Variants in CREBBP observed in about 807,000 individuals in gnomAD.
CREBBP encodes the protein CREB binding lysine acetyltransferase, also known as CREB-binding protein.
A neutral mutation model predicts 265.0 loss-of-function variants in CREBBP; 19 were observed. That is an observed-to-expected ratio of 0.07 (90% confidence interval 0.05 to 0.11). The LOEUF (loss-of-function observed/expected upper bound fraction) is 0.11. Ranked by LOEUF, CREBBP falls within the 10% of genes least tolerant of loss-of-function variation. CREBBP has a pLI of 1.00. For missense variants in CREBBP, 2,525 were observed against 3,219.0 expected, an observed-to-expected ratio of 0.78 and a Z score of 5.22; for synonymous variants, 1,457 against 1,223.7, an observed-to-expected ratio of 1.19 and a Z score of -3.98.
intron 20 of CREBBP, among the ~76,000 whole-genome samples, chr16:3,750,368 G>T (rs913609206): frequency 2.6e-5 from 4 of 152,188 alleles, no homozygotes; most frequent in Non-Finnish European, 5.9e-5. Context: ...TAGAGCGTAA[G>T]TGCCTACACT....
rs1275745051 is a variant in CREBBP at position 3,810,672 on chromosome 16, G to A, written c.906C>T (p.Ser302=). ...GGAAGGTGGGCAAACTGTTGACCAT[G>A]CTCTGTTTGCTGGCTAACTGGGGGT... ...GVNPQLASKQ[S]MVNSLPTFPT... The change falls in exon 3 of 31, where the codon AGC becomes AGT. Residue 302 remains serine (S), a synonymous_variant. Coordinates refer to ENST00000262367, the MANE Select transcript of CREBBP (RefSeq NM_004380.3). The A allele has an allele frequency of 5.0e-6, 8 of 1,613,924 alleles. No homozygotes were observed. Among genetic ancestry groups the A allele is most frequent in the Non-Finnish European group, 5.9e-6 (7 of 1,179,996 alleles).
At chr16:3,870,277 G>T (rs748506750) in intron 1 of CREBBP, among the ~76,000 whole-genome samples, 1 of 152,174 alleles carries the variant, frequency 6.6e-6, no homozygotes, top group East Asian at 1.9e-4. Context: ...TTCCTTTCAA[G>T]ATCTGTGTAG....
intron 5 of CREBBP, among the ~76,000 whole-genome samples, chr16:3,785,456 C>A (rs1204117123): frequency 6.6e-6 from 1 of 152,236 alleles, no homozygotes; most frequent in African/African-American, 2.4e-5. Context: ...CAGGGAAAAT[C>A]AGGCTCATGT....
intron 15 of CREBBP, 85 bp downstream of exon 15, chr16:3,769,089 C>T: frequency 6.8e-7 from 1 of 1,470,984 alleles, no homozygotes; most frequent in Non-Finnish European, 9.5e-7. Flanking sequence ...TCAGGGATAC[C>T]CATGGCAGGC....
chr16:3,787,409 A>G (rs1335675287), intron 5 of CREBBP, among the ~76,000 whole-genome samples: 2 of 152,142 alleles, frequency 1.3e-5, no homozygotes, highest in Non-Finnish European at 2.9e-5. Flanking sequence ...TTGGTGCTTA[A>G]GTCAGGGTCA....
In CREBBP at chr16:3,774,607, G is replaced by T; in HGVS notation, c.2245C>A (p.His749Asn). 2 of 1,614,192 alleles carry T rather than the reference G, an allele frequency of 1.2e-6. No individual in the cohort carries two copies. The highest frequency in any genetic ancestry group is 2.2e-5 in the South Asian group (2 of 91,086). The change falls in exon 12 of 31, where the codon CAC (histidine) becomes AAC (asparagine). Residue 749 changes from histidine (H) to asparagine (N), a missense_variant. His to Asn is a moderately conservative substitution (Grantham distance 68, BLOSUM62 1). This residue lies in a region of CREBBP where 548 missense variants were observed against 533.0 expected (regional missense o/e 1.03). Transcript: ENST00000262367. Reference protein sequence around the residue: ...MGPRAASPMNHSVQMNSMGSV... With the variant: ...MGPRAASPMNNSVQMNSMGSV... ...CCCATGCTGTTCATCTGGACAGAGT[G>T]GTTCATTGGGGAGGCTGCACGAGGT...
intron 1 of CREBBP, among the ~76,000 whole-genome samples, chr16:3,858,657 T>C (rs2141533923): frequency 6.6e-6 from 1 of 152,354 alleles, no homozygotes; most frequent in Non-Finnish European, 1.5e-5. Context: ...GCTGCTTGTC[T>C]AGTCAAAGAT....
chr16:3,791,809 G>C (rs1025038004), intron 5 of CREBBP, among the ~76,000 whole-genome samples, 172 bp downstream of exon 5: 1 of 152,144 alleles, frequency 6.6e-6, no homozygotes, highest in Admixed American at 6.5e-5. Context: ...TCCTGACACG[G>C]AGAGCCCGCC....
rs141651423 is a variant in CREBBP, at chr16:3,770,600, C to T, written c.2850G>A (p.Thr950=). The change falls in exon 14 of 31, where the codon ACG becomes ACA. Residue 950 remains threonine (T), a synonymous_variant. Transcript: ENST00000262367. ...ATPQSSQQQP[T]PVHAQPPGTP... ...TGCCAGGAGGCTGGGCGTGCACAGG[C>T]GTCGGCTGTTGCTGCGATGACTGAG... 9.5e-5 allele frequency: 154 copies of T among 1,613,598 alleles called. No individual in the cohort carries two copies. The African/African-American group carries it at 1.7e-3, about 18-fold the overall frequency.
chr16:3,871,191 TCTCTCA>T (rs774558068), intron 1 of CREBBP, among the ~76,000 whole-genome samples: 189 of 60,898 alleles, frequency 3.1e-3, no homozygotes, highest in Middle Eastern at 8.9e-3. Flanking sequence ...TCTCTCTCTC[TCTCTCA>T]CTCACACACA....
chr16:3,848,673 G>A (rs933531313), intron 2 of CREBBP, among the ~76,000 whole-genome samples: 4 of 151,944 alleles, frequency 2.6e-5, no homozygotes, highest in African/African-American at 4.8e-5. Context: ...CTATTATGTC[G>A]ACTTCATATG....
intron 1 of CREBBP, among the ~76,000 whole-genome samples, chr16:3,852,899 G>A (rs901221673): frequency 4.6e-5 from 7 of 151,238 alleles, no homozygotes; most frequent in African/African-American, 1.7e-4. Flanking sequence ...CAACGGCCAG[G>A]CTATTCATGT....
At chr16:3,782,986 C>A in intron 5 of CREBBP, 60 bp from the exon 6 acceptor site, 1 of 1,606,970 alleles carries the variant, frequency 6.2e-7, no homozygotes, top group Non-Finnish European at 8.5e-7. Flanking sequence ...GAGAAGCCCA[C>A]GAATGATTTA....
In CREBBP at chr16:3,777,860, G is replaced by C. The variant is rs149069810; in HGVS notation, c.2113+151C>G. 1.1e-4 allele frequency: 126 copies of C among 1,104,374 alleles called. No individual in the cohort carries two copies. In the Middle Eastern group the frequency reaches 1.3e-3, roughly 11 times the overall value. The allele number at this position is 1,104,374 out of a possible 1,614,324, so 68.4% of individuals were successfully genotyped here. On this transcript the variant is annotated intron_variant, in intron 10 of 30. Coordinates refer to ENST00000262367, the MANE Select transcript of CREBBP (RefSeq NM_004380.3). ...GAAACTCAGTGTCCCAACACAGCCT[G>C]AGGCAGGTGGTCAGGGCCACTGCCA... is the stretch of plus-strand genomic sequence containing the variant.
intron 3 of CREBBP, among the ~76,000 whole-genome samples, chr16:3,810,122 C>T (rs1188599066): frequency 1.3e-5 from 2 of 152,202 alleles, no homozygotes; most frequent in East Asian, 1.9e-4. Context: ...AAAATCCCTT[C>T]AAACCTCAGG....
chr16:3,756,256 C>T (rs2052583537), intron 19 of CREBBP, among the ~76,000 whole-genome samples: 1 of 152,184 alleles, frequency 6.6e-6, no homozygotes, highest in African/African-American at 2.4e-5. Context: ...ACAGAGAATC[C>T]AGCTGCTGGC....
Position 3,769,309 on chromosome 16 carries a change from G to T in CREBBP, c.2925C>A (p.Pro975=). ...TGGTTTCTGCGCTGGCCACCGAGGA[G>T]GGGGTAGGGACTCTGTTATCAATGC... ...AASIDNRVPT[P]SSVASAETNS... is the part of the protein sequence containing the mutation. Residue 975 remains proline (P), a synonymous_variant, in exon 15 of 31, where the codon CCC becomes CCA. Coordinates refer to ENST00000262367, the MANE Select transcript of CREBBP (RefSeq NM_004380.3). 1.9e-6 allele frequency: 3 copies of T among 1,614,200 alleles called. No homozygotes were observed. Among genetic ancestry groups the T allele is most frequent in the African/African-American group, 1.3e-5 (1 of 75,044 alleles).
At chr16:3,820,768 G>A (rs138342816) in intron 2 of CREBBP, among the ~76,000 whole-genome samples, 2 of 152,260 alleles carry the variant, frequency 1.3e-5, no homozygotes, top group African/African-American at 4.8e-5. Flanking sequence ...GCTGAGGTGG[G>A]AGGACTGCTC....
At chr16:3,839,837 GAA>G (rs371054197) in intron 2 of CREBBP, among the ~76,000 whole-genome samples, 346 of 151,046 alleles carry the variant, frequency 2.3e-3, no homozygotes, top group African/African-American at 8.0e-3. Context: ...GAAAGAGAAG[GAA>G]AGAGAGAGAG....
Sources: gnomAD v4.1 joint callset for allele counts (sites outside exome capture counted in the v4.1 genomes callset) on GRCh38, gnomAD v4.1.1 for gene constraint, gnomAD v4.1.1 regional missense constraint, MANE v1.5 for transcripts, NCBI Gene and HGNC (gene_info 2026-07-23, HGNC 2026-07-21) for gene names.